Variants in TEX51 observed in about 807,000 individuals in gnomAD.
TEX51 encodes testis-expressed protein 51.
TEX51 carries 14 observed loss-of-function variants against 8.0 expected under a neutral mutation model. The observed-to-expected ratio is 1.76, with a 90% CI of 1.16 to 2.75. The LOEUF is 2.75. TEX51 is among the 30% of genes most tolerant of loss of function. The pLI, the probability that TEX51 is intolerant of heterozygous loss-of-function variation, is 0.00. For synonymous variants in TEX51, 58 were observed against 28.6 expected (o/e 2.03, Z -3.29); for missense variants, 142 against 77.4 (o/e 1.83, Z -3.13).
chr2:126,900,114 C>T (rs1680248353), intron 4 of TEX51, 95 bp downstream of exon 4: 2 of 686,708 alleles, frequency 2.9e-6, no homozygotes, highest in Non-Finnish European at 5.3e-6. Flanking sequence ...CCAACTCAAG[C>T]TTTTCTTGTT....
Position 126,901,397 on chromosome 2 carries a change from C to A in TEX51, c.496C>A (p.Gln166Lys). 1.4e-6 allele frequency: 1 copy of A among 702,310 alleles called. No individual in the cohort carries two copies. Among genetic ancestry groups the A allele is most frequent in the Non-Finnish European group, 2.6e-6 (1 of 384,816 alleles). 43.5% of individuals were successfully genotyped at this position (702,310 alleles called of 1,614,324 possible). ...TTTTACTGGCAAAGGAAGAAGGAGG[C>A]AGTAAAGGTACTGGGAAAGGAGACC... ...VSFTGKGRRR[Q>K] is the part of the protein sequence containing the mutation. The change falls in exon 6 of 7, where the codon CAG becomes AAG. Residue 166 changes from glutamine (Q) to lysine (K), a missense_variant. Coordinates refer to ENST00000568484, the MANE Select transcript of TEX51 (RefSeq NM_001322244.2).
Position 126,899,036 on chromosome 2 carries a change from C to A in TEX51, c.118C>A (p.Pro40Thr). The A allele has an allele frequency of 1.4e-6, 1 of 702,262 alleles. No homozygotes were observed. Among genetic ancestry groups the A allele is most frequent in the Non-Finnish European group, 2.6e-6 (1 of 384,820 alleles). The allele number at this position is 702,262 out of a possible 1,614,324, so 43.5% of individuals were successfully genotyped here. ...TGACCTGCAGATCCTCTGGGTGACC[C>A]CAGGGCCACCCACAGAACTTTCTCA... The part of the protein sequence containing the change: ...DYDLQILWVT[P>T]GPPTELSQNR... Residue 40 changes from proline to threonine, a missense_variant, in exon 1 of 7, where the codon CCA becomes ACA. By Grantham distance (38) the Pro-to-Thr change is conservative (BLOSUM62 -1). Transcript: ENST00000568484.
Position 126,899,518 on chromosome 2 carries a change from C to T in TEX51, c.221-5C>T, listed in dbSNP as rs1558745456. Reference sequence around the variant, plus strand: ...TGAACACCCCTTCCCTCCTGCTCTACCCAGATAAAACAGTACTTCTGGAAG... The same window carrying T: ...TGAACACCCCTTCCCTCCTGCTCTATCCAGATAAAACAGTACTTCTGGAAG... On this transcript the variant is annotated splice_polypyrimidine_tract_variant and splice_region_variant and intron_variant, in intron 2 of 6. Transcript: ENST00000568484. 1 of 677,700 alleles carries T rather than the reference C, an allele frequency of 1.5e-6. No individual in the cohort carries two copies. The highest frequency in any genetic ancestry group is 1.9e-5 in the African/African-American group (1 of 51,358). 42.0% of individuals were successfully genotyped at this position (677,700 alleles called of 1,614,324 possible). A position where few individuals can be genotyped will look rare whatever the true frequency, so the allele number is the denominator to read the frequency against.
chr2:126,901,750 GC>G (rs1680344254), intron 6 of TEX51, 121 bp from the exon 7 acceptor site: 2 of 571,690 alleles, frequency 3.5e-6, no homozygotes, highest in Non-Finnish European at 6.2e-6. Flanking sequence ...TGGCTGCCTT[GC>G]CCTCTGCTCT....
At chr2:126,899,883 G>T (rs1371982222) in intron 3 of TEX51, 53 bp from the exon 4 acceptor site, 4 of 702,072 alleles carry the variant, frequency 5.7e-6, no homozygotes, top group Non-Finnish European at 1.0e-5. Context: ...GGGCCTGGGG[G>T]AGGGATGAAA....
At position 126,898,977 on chromosome 2, in the gene TEX51, G is replaced by A. The variant is rs780796841; in HGVS notation, c.59G>A (p.Arg20His). ...GCCATTGAAGGGAAGAACTGCCTCC[G>A]CTGCTGGCCAGAACTGTCTGCCTTG... is the stretch of plus-strand genomic sequence containing the variant. ...LPAIEGKNCL[R>H]CWPELSALID... The change falls in exon 1 of 7, where the codon CGC becomes CAC. Residue 20 changes from arginine (R) to histidine (H), a missense_variant. Transcript: ENST00000568484. The A allele has an allele frequency of 1.1e-4, 76 of 701,820 alleles. No individual in the cohort carries two copies. The highest frequency in any genetic ancestry group is 7.6e-4 in the Middle Eastern group (3 of 3,962). 43.5% of individuals were successfully genotyped at this position (701,820 alleles called of 1,614,324 possible).
In TEX51 at chr2:126,901,854, C is replaced by G. The variant is rs1218776906; in HGVS notation, c.*3-18C>G. The stretch of plus-strand genomic sequence containing the variant: ...GGGAGGTCAGGGTAGAAATGCCCAG[C>G]TTCTTCTCCCTCAGCAGGAACAGGG... On this transcript the variant is annotated intron_variant, in intron 6 of 6. Coordinates refer to ENST00000568484, the MANE Select transcript of TEX51 (RefSeq NM_001322244.2). 1.7e-6 allele frequency: 1 copy of G among 593,822 alleles called. No homozygotes were observed. The highest frequency in any genetic ancestry group is 3.0e-6 in the Non-Finnish European group (1 of 332,746). 36.8% of individuals were successfully genotyped at this position (593,822 alleles called of 1,614,324 possible).
At chr2:126,899,183 C>T in intron 1 of TEX51, 34 bp from the exon 2 acceptor site, 1 of 702,318 alleles carries the variant, frequency 1.4e-6, no homozygotes. Flanking sequence ...ATCTTACTCC[C>T]TTGACTTCCC....
chr2:126,901,842 A>G, intron 6 of TEX51, 30 bp from the exon 7 acceptor site: 1 of 590,748 alleles, frequency 1.7e-6, no homozygotes, highest in Non-Finnish European at 3.0e-6. Context: ...AGGTCAGGGT[A>G]GAAATGCCCA....
At position 126,901,321 on chromosome 2, in the gene TEX51, A is replaced by G. The variant is rs774043942; in HGVS notation, c.463+43A>G. The stretch of plus-strand genomic sequence containing the variant: ...CCAAGCCCCAGCATCCCCAGGGAAG[A>G]CACACCTATTCCCTGACTGACTCCA... On this transcript the variant is annotated intron_variant, in intron 5 of 6. Coordinates refer to ENST00000568484, the MANE Select transcript of TEX51 (RefSeq NM_001322244.2). 38 of 701,990 alleles carry G rather than the reference A, an allele frequency of 5.4e-5. 1 individual carries two copies. Among genetic ancestry groups the G allele is most frequent in the South Asian group, 5.3e-4 (36 of 67,558 alleles). The allele number at this position is 701,990 out of a possible 1,614,324, so 43.5% of individuals were successfully genotyped here.
At chr2:126,899,676 T>A (rs1680219036) in intron 3 of TEX51, 64 bp downstream of exon 3, 10 of 693,936 alleles carry the variant, frequency 1.4e-5, no homozygotes, top group South Asian at 4.6e-5. Flanking sequence ...ACCCAAGGCA[T>A]GCAGATTTCA....
In TEX51 at chr2:126,901,207, C is replaced by A. The variant is rs777322573; in HGVS notation, c.395-3C>A. On this transcript the variant is annotated splice_region_variant and splice_polypyrimidine_tract_variant and intron_variant, in intron 4 of 6. Transcript: ENST00000568484. The stretch of plus-strand genomic sequence containing the variant: ...ACACCTGGCTTCCTCTTTCACACCC[C>A]AGCCAGGAACCGGCGGACCTCCCTG... 1.5e-6 allele frequency: 1 copy of A among 645,368 alleles called. No homozygotes were observed. The highest frequency in any genetic ancestry group is 1.7e-5 in the South Asian group (1 of 57,914). The allele number at this position is 645,368 out of a possible 1,614,324, so 40.0% of individuals were successfully genotyped here. A position where few individuals can be genotyped will look rare whatever the true frequency, so the allele number is the denominator to read the frequency against.
At position 126,902,045 on chromosome 2, in the gene TEX51, A is replaced by C; in HGVS notation, c.*176A>C. Reference sequence around the variant, plus strand: ...GACTGCGCTGTCTCGTGGTTTGCCTACTCCTACACCTTTGTAAAGAGTCTC... The same window carrying C: ...GACTGCGCTGTCTCGTGGTTTGCCTCCTCCTACACCTTTGTAAAGAGTCTC... On this transcript the variant is annotated 3_prime_UTR_variant, in exon 7 of 7. Coordinates refer to ENST00000568484, the MANE Select transcript of TEX51 (RefSeq NM_001322244.2). The C allele has an allele frequency of 4.0e-6, 2 of 494,144 alleles. No individual in the cohort carries two copies. Among genetic ancestry groups the C allele is most frequent in the Non-Finnish European group, 7.2e-6 (2 of 279,502 alleles). 30.6% of individuals were successfully genotyped at this position (494,144 alleles called of 1,614,324 possible).
rs774420884 is a variant in TEX51 at position 126,899,120 on chromosome 2, G to A, written c.145+57G>A. ...TTTTCTCAAACCCTGGTACCTTGGTGAGGCACAGCCAGGAGATCAGGGATT... is the reference window on the plus strand; with the variant it reads ...TTTTCTCAAACCCTGGTACCTTGGTAAGGCACAGCCAGGAGATCAGGGATT... On this transcript the variant is annotated intron_variant, in intron 1 of 6. Transcript: ENST00000568484. 1.0e-5 allele frequency: 7 copies of A among 701,152 alleles called. No individual in the cohort carries two copies. In the East Asian group the frequency reaches 1.6e-4, roughly 16 times the overall value. 43.4% of individuals were successfully genotyped at this position (701,152 alleles called of 1,614,324 possible).
chr2:126,901,752 C>G, intron 6 of TEX51, 120 bp from the exon 7 acceptor site: 1 of 573,042 alleles, frequency 1.7e-6, no homozygotes, highest in Non-Finnish European at 3.1e-6. Flanking sequence ...GCTGCCTTGC[C>G]CTCTGCTCTG....
chr2:126,899,949 A>T lies in TEX51; in HGVS notation c.324A>T (p.Thr108=). Residue 108 remains threonine (T), a synonymous_variant, in exon 4 of 7, where the codon ACA becomes ACT. Transcript: ENST00000568484. ...CCCCTCCCATAGACATACAGTCCAC[A>T]CTGAAGGTCACCAGCTGTGCTGACT... The part of the protein sequence containing the change: ...DGLKEKDIQS[T]LKVTSCADCR... The T allele has an allele frequency of 1.4e-6, 1 of 701,748 alleles. No individual in the cohort carries two copies. Among genetic ancestry groups the T allele is most frequent in the Non-Finnish European group, 2.6e-6 (1 of 384,716 alleles). 43.5% of individuals were successfully genotyped at this position (701,748 alleles called of 1,614,324 possible). A position where few individuals can be genotyped will look rare whatever the true frequency, so the allele number is the denominator to read the frequency against.
chr2:126,899,217 A>G lies in TEX51; in HGVS notation c.146A>G (p.Asn49Ser). The G allele has an allele frequency of 1.4e-6, 1 of 702,238 alleles. No homozygotes were observed. The highest frequency in any genetic ancestry group is 2.6e-6 in the Non-Finnish European group (1 of 384,788). 43.5% of individuals were successfully genotyped at this position (702,238 alleles called of 1,614,324 possible). ...CCTTTGACCTGTATCTCATCCTCAG[A>G]TCGTGACCATTTGGAAGAAGAAACA... ...TPGPPTELSQ[N>S]RDHLEEETAK... The change falls in exon 2 of 7, where the codon AAT (asparagine) becomes AGT (serine). Residue 49 changes from asparagine (N) to serine (S), a missense_variant and splice_region_variant. Transcript: ENST00000568484.
rs114974431 is a variant in TEX51 at position 126,898,976 on chromosome 2, C to T, written c.58C>T (p.Arg20Cys). ...LPAIEGKNCL[R>C]CWPELSALID... is the part of the protein sequence containing the mutation. ...TGCCATTGAAGGGAAGAACTGCCTC[C>T]GCTGCTGGCCAGAACTGTCTGCCTT... Residue 20 changes from arginine to cysteine, a missense_variant, in exon 1 of 7, where the codon CGC becomes TGC. Physicochemically the swap from Arg to Cys is radical, Grantham distance 180 (BLOSUM62 -3). Coordinates refer to ENST00000568484, the MANE Select transcript of TEX51 (RefSeq NM_001322244.2). 168 of 701,864 alleles carry T rather than the reference C, an allele frequency of 2.4e-4. 1 individual carries two copies. Among genetic ancestry groups the T allele is most frequent in the African/African-American group, 1.5e-3 (87 of 57,358 alleles). The allele number at this position is 701,864 out of a possible 1,614,324, so 43.5% of individuals were successfully genotyped here.
At chr2:126,901,172 T>A in intron 4 of TEX51, 38 bp from the exon 5 acceptor site, 1 of 612,546 alleles carries the variant, frequency 1.6e-6, no homozygotes, top group South Asian at 1.9e-5. Flanking sequence ...TAGCCCTGCC[T>A]GGCCTCCAAA....
Sources: gnomAD v4.1 joint callset for allele counts on GRCh38, gnomAD v4.1.1 for gene constraint, MANE v1.5 for transcripts, NCBI Gene and HGNC (gene_info 2026-07-23, HGNC 2026-07-21) for gene names.